TMPRSS11F: variants seen among roughly 807,000 people sequenced by gnomAD.
TMPRSS11F encodes the protein transmembrane serine protease 11F, also known as transmembrane protease serine 11F.
TMPRSS11F carries 47 observed loss-of-function variants against 60.2 expected under a neutral mutation model. The observed-to-expected ratio is 0.78, with a 90% CI of 0.62 to 1.00. The LOEUF (loss-of-function observed/expected upper bound fraction) is 1.00. Among genes scored for constraint, TMPRSS11F ranks in the 50% least tolerant of loss-of-function variants. The pLI is 0.00. For synonymous variants in TMPRSS11F, 166 were observed against 167.3 expected (o/e 0.99, Z 0.06); for missense variants, 519 against 522.9 (o/e 0.99, Z 0.07).
intron 3 of TMPRSS11F, among the ~76,000 whole-genome samples, chr4:68,083,220 G>A (rs1009815695): frequency 3.3e-5 from 5 of 152,148 alleles, no homozygotes; most frequent in African/African-American, 1.2e-4. Context: ...AGGTCTCTTG[G>A]CAACCTAATC....
rs182122876 is a variant in TMPRSS11F, at chr4:68,061,803, C to T, written c.1016-2335G>A. On this transcript the variant is annotated intron_variant, in intron 8 of 9. Coordinates refer to ENST00000356291, the MANE Select transcript of TMPRSS11F (RefSeq NM_207407.2). ...TTCAACAGAAAGTTACGTAGTTCTA[C>T]AGTACAACCTGTCTAAAGACTTGCA... The T allele has an allele frequency of 5.0e-3, 2,215 of 440,234 alleles. 12 individuals carry two copies. Among genetic ancestry groups the T allele is most frequent in the Non-Finnish European group, 7.5e-3 (1,638 of 219,832 alleles). 27.3% of individuals were successfully genotyped at this position (440,234 alleles called of 1,614,324 possible).
intron 3 of TMPRSS11F, among the ~76,000 whole-genome samples, chr4:68,087,409 T>G (rs1274935470): frequency 2.0e-5 from 3 of 152,124 alleles, no homozygotes; most frequent in Non-Finnish European, 4.4e-5. Flanking sequence ...AACATCACAC[T>G]GAATGGGCAA....
chr4:68,096,739 T>C (rs1724083820), intron 2 of TMPRSS11F, among the ~76,000 whole-genome samples: 1 of 152,302 alleles, frequency 6.6e-6, no homozygotes, highest in East Asian at 1.9e-4. Context: ...AGAATAAAAA[T>C]AACTCCATCA....
Position 68,064,901 on chromosome 4 carries a change from T to C in TMPRSS11F, c.799A>G (p.Ile267Val), listed in dbSNP as rs1418892687. 16 of 1,613,922 alleles carry C rather than the reference T, an allele frequency of 9.9e-6. No individual in the cohort carries two copies. Among genetic ancestry groups the C allele is most frequent in the Non-Finnish European group, 1.3e-5 (15 of 1,179,986 alleles). ...TQWIATFGAT[I>V]TPPAVKRNVR... ...TTTCGTTTCACTGCGGGTGGTGTTA[T>C]AGTTGCACCAAAAGTAGCAATCCAT... The change falls in exon 8 of 10, where the codon ATA becomes GTA. Residue 267 changes from isoleucine to valine, a missense_variant. By Grantham distance (29) the Ile-to-Val change is conservative (BLOSUM62 3). Coordinates refer to ENST00000356291, the MANE Select transcript of TMPRSS11F (RefSeq NM_207407.2).
intron 7 of TMPRSS11F, among the ~76,000 whole-genome samples, chr4:68,065,482 C>T (rs1346816811): frequency 6.6e-6 from 1 of 152,166 alleles, no homozygotes; most frequent in Non-Finnish European, 1.5e-5. Flanking sequence ...CAGCTCCTAC[C>T]GCCCATGGAT....
chr4:68,091,427 C>G (rs1210374196), intron 2 of TMPRSS11F, among the ~76,000 whole-genome samples: 5 of 152,014 alleles, frequency 3.3e-5, no homozygotes, highest in African/African-American at 7.2e-5. Flanking sequence ...CTGGGATGGC[C>G]TTACCCACTA....
intron 3 of TMPRSS11F, among the ~76,000 whole-genome samples, chr4:68,079,176 T>C (rs1723644776): frequency 6.6e-6 from 1 of 151,436 alleles, no homozygotes; most frequent in Admixed American, 6.6e-5. Context: ...CACACTACCT[T>C]AGGAGGAAAA....
At position 68,096,398 on chromosome 4, in the gene TMPRSS11F, CAATT is replaced by C. The variant is rs1299201420; in HGVS notation, c.163+2485_163+2488del. 7.9e-5 allele frequency among the ~76,000 whole-genome samples: 12 copies of C among 152,222 alleles called. No individual in the cohort carries two copies. In the East Asian group the frequency reaches 9.6e-4, roughly 12 times the overall value. ...TGAATTCTATCAAGCATTTAATAGT[CAATT>C]AATAACACAGTAATTGTTTTTTAAA... On this transcript the variant is annotated intron_variant, in intron 2 of 9. Transcript: ENST00000356291.
chr4:68,062,686 G>A (rs760146747), intron 8 of TMPRSS11F: 5 of 754,290 alleles, frequency 6.6e-6, no homozygotes, highest in Non-Finnish European at 9.9e-6. Context: ...TGCTGCTTTT[G>A]TTATACACAG....
chr4:68,082,708 G>A (rs1723731754), intron 3 of TMPRSS11F, among the ~76,000 whole-genome samples: 1 of 152,272 alleles, frequency 6.6e-6, no homozygotes, highest in South Asian at 2.1e-4. Context: ...AGAGCACATA[G>A]TTCAGGAGTG....
At chr4:68,061,798 TTC>T (rs1723181067) in intron 8 of TMPRSS11F, 1 of 441,806 alleles carries the variant, frequency 2.3e-6, no homozygotes, top group African/African-American at 2.0e-5. Flanking sequence ...AGTTACGTAG[TTC>T]TACAGTACAA....
rs61257089 is a variant in TMPRSS11F at position 68,072,221 on chromosome 4, CAAAA to C, written c.514+98_514+101del. ...ATTTTATATATATATATATATCTTC[CAAAA>C]AAAAAATATATATATATATATATAT... is the stretch of plus-strand genomic sequence containing the variant. On this transcript the variant is annotated intron_variant, in intron 5 of 9. Transcript: ENST00000356291. 6.4e-3 allele frequency: 364 copies of C among 56,652 alleles called. 1 individual carries two copies. Among genetic ancestry groups the C allele is most frequent in the East Asian group, 0.016 (14 of 874 alleles). 3.5% of individuals were successfully genotyped at this position (56,652 alleles called of 1,614,324 possible).
At chr4:68,064,544 A>T in intron 8 of TMPRSS11F, 141 bp downstream of exon 8, 2 of 949,028 alleles carry the variant, frequency 2.1e-6, no homozygotes, top group Non-Finnish European at 1.5e-6. Context: ...TTTAACCCAC[A>T]GTCTCCTGTT....
intron 1 of TMPRSS11F, among the ~76,000 whole-genome samples, chr4:68,101,944 C>A (rs1052738973): frequency 2.0e-5 from 3 of 152,122 alleles, no homozygotes; most frequent in African/African-American, 7.2e-5. Flanking sequence ...GACTTTCCAT[C>A]CTACATATCT....
chr4:68,065,061 A>C, intron 7 of TMPRSS11F, 117 bp from the exon 8 acceptor site: 1 of 1,090,548 alleles, frequency 9.2e-7, no homozygotes, highest in Non-Finnish European at 1.3e-6. Flanking sequence ...TTTTGGTGAG[A>C]AAGTTTGTAG....
chr4:68,122,773 A>G (rs1446194593), intron 1 of TMPRSS11F, among the ~76,000 whole-genome samples: 13 of 152,324 alleles, frequency 8.5e-5, no homozygotes, highest in Admixed American at 8.5e-4. Context: ...CGAATATAGA[A>G]CACTTTATTT....
At chr4:68,084,607 A>G (rs2109858368) in intron 3 of TMPRSS11F, among the ~76,000 whole-genome samples, 1 of 152,342 alleles carries the variant, frequency 6.6e-6, no homozygotes, top group Admixed American at 6.5e-5. Context: ...CAGATATGCA[A>G]AAGCTAAGAG....
intron 9 of TMPRSS11F, 81 bp downstream of exon 9, chr4:68,059,245 C>A: frequency 6.9e-7 from 1 of 1,449,456 alleles, no homozygotes; most frequent in Non-Finnish European, 9.3e-7. Context: ...TTTTTTTTCT[C>A]CTAGGTAAAA....
At chr4:68,088,120 C>G (rs28811893) in intron 3 of TMPRSS11F, among the ~76,000 whole-genome samples, 56,207 of 151,578 alleles carry the variant, frequency 0.37, 12,645 homozygotes, top group Non-Finnish European at 0.52. Context: ...GAGTCAAGAC[C>G]CATCAGTGTG....
Sources: allele counts gnomAD v4.1 joint callset (sites outside exome capture counted in the v4.1 genomes callset), GRCh38; gene constraint gnomAD v4.1.1; transcripts MANE v1.5; gene names NCBI Gene and HGNC (gene_info 2026-07-23, HGNC 2026-07-21).